Variants in CDH2 observed in about 807,000 individuals in gnomAD.
The protein encoded by CDH2 is cadherin-2.
In CDH2, 17 loss-of-function variants were observed where a neutral mutation model predicts 92.0. The ratio of observed to expected loss-of-function variants is 0.18; its 90% CI spans 0.13 to 0.28. The LOEUF is 0.28. Ranked by LOEUF, CDH2 falls within the 10% of genes least tolerant of loss-of-function variation. CDH2 has a pLI of 1.00. For missense variants in CDH2, 862 were observed against 1,133.1 expected (o/e 0.76, Z 3.44); for synonymous variants, 419 against 415.9 (o/e 1.01, Z -0.09).
chr18:27,999,656 A>G (rs887600360), intron 7 of CDH2, among the ~76,000 whole-genome samples: 3 of 150,406 alleles, frequency 2.0e-5, no homozygotes, highest in African/African-American at 7.3e-5. Context: ...TTTTAAATTT[A>G]TATATATATA....
intron 5 of CDH2, among the ~76,000 whole-genome samples, chr18:28,009,416 A>C (rs2013031832): frequency 6.6e-6 from 1 of 152,164 alleles, no homozygotes. Flanking sequence ...ATTCATATAA[A>C]TTTGTTCTTA....
chr18:28,121,163 T>C (rs187636245), intron 2 of CDH2, among the ~76,000 whole-genome samples: 71 of 152,280 alleles, frequency 4.7e-4, no homozygotes, highest in Non-Finnish European at 8.5e-4. Context: ...GCCTTCTGGT[T>C]ACCCAGGGGT....
At position 28,108,267 on chromosome 18, in the gene CDH2, A is replaced by C. The variant is rs535650664; in HGVS notation, c.172+39406T>G. 6.6e-5 allele frequency among the ~76,000 whole-genome samples: 10 copies of C among 152,210 alleles called. No individual in the cohort carries two copies. In the South Asian group the frequency reaches 1.5e-3, roughly 22 times the overall value. On this transcript the variant is annotated intron_variant, in intron 2 of 15. Coordinates refer to ENST00000269141, the MANE Select transcript of CDH2 (RefSeq NM_001792.5). ...CCAAAGATCTGAAAAAGTGTGGAAAACTCTCAGTTGCTTATTGGATCTATA... is the reference window on the plus strand; with the variant it reads ...CCAAAGATCTGAAAAAGTGTGGAAACCTCTCAGTTGCTTATTGGATCTATA...
At chr18:28,057,388 AG>A (rs1457955359) in intron 2 of CDH2, among the ~76,000 whole-genome samples, 27 of 152,356 alleles carry the variant, frequency 1.8e-4, no homozygotes, top group African/African-American at 6.3e-4. Flanking sequence ...ATTTGAGGCC[AG>A]GCAAGGTGGC....
intron 2 of CDH2, among the ~76,000 whole-genome samples, chr18:28,043,507 TATATATATAA>T (rs2014003961): frequency 7.6e-6 from 1 of 130,822 alleles, no homozygotes; most frequent in Non-Finnish European, 1.6e-5. Context: ...TATATATATA[TATATATATAA>T]ACAGGTTTGA....
chr18:28,127,451 G>C (rs1192399168), intron 2 of CDH2, among the ~76,000 whole-genome samples: 1 of 152,162 alleles, frequency 6.6e-6, no homozygotes, highest in Admixed American at 6.5e-5. Flanking sequence ...TAAGCGCAAG[G>C]CCCTGCGGCA....
intron 6 of CDH2, among the ~76,000 whole-genome samples, chr18:27,933,737 A>G (rs1289316360): frequency 1.3e-5 from 2 of 152,220 alleles, no homozygotes; most frequent in Non-Finnish European, 2.9e-5. Context: ...TGAATCAATG[A>G]TTGTTTCAGG....
chr18:27,933,738 T>A (rs563746055), intron 6 of CDH2, among the ~76,000 whole-genome samples: 1 of 152,314 alleles, frequency 6.6e-6, no homozygotes, highest in South Asian at 2.1e-4. Context: ...GAATCAATGA[T>A]TGTTTCAGGA....
At chr18:28,162,168 A>G (rs1031923087) in intron 1 of CDH2, among the ~76,000 whole-genome samples, 3 of 152,214 alleles carry the variant, frequency 2.0e-5, no homozygotes, top group East Asian at 1.9e-4. Flanking sequence ...AATTATCTAC[A>G]AAGTCTCAAT....
At chr18:28,122,633 C>T (rs1235266257) in intron 2 of CDH2, among the ~76,000 whole-genome samples, 5 of 151,964 alleles carry the variant, frequency 3.3e-5, no homozygotes, top group East Asian at 3.9e-4. Flanking sequence ...ATATGGTTAA[C>T]GGAAAAACAA....
chr18:27,948,320 G>C (rs1244966866), downstream of CDH2, among the ~76,000 whole-genome samples: 1 of 151,870 alleles, frequency 6.6e-6, no homozygotes, highest in Admixed American at 6.6e-5. Flanking sequence ...TTAACAAGTA[G>C]TGTTTGGAAA....
chr18:27,939,663 C>A (rs554373170), intron 6 of CDH2, among the ~76,000 whole-genome samples: 2 of 152,150 alleles, frequency 1.3e-5, no homozygotes, highest in Non-Finnish European at 2.9e-5. Context: ...TCTAGTCATT[C>A]CCTAGACAAA....
chr18:28,028,780 G>C (rs2013622052), intron 2 of CDH2, among the ~76,000 whole-genome samples: 1 of 151,972 alleles, frequency 6.6e-6, no homozygotes, highest in African/African-American at 2.4e-5. Context: ...TATTTCTAAA[G>C]GCTACTTACA....
chr18:28,089,870 C>T (rs1487166379), intron 2 of CDH2, among the ~76,000 whole-genome samples: 2 of 152,086 alleles, frequency 1.3e-5, no homozygotes, highest in Non-Finnish European at 2.9e-5. Context: ...GGACAGAGCC[C>T]GATTCCTGTC....
intron 2 of CDH2, among the ~76,000 whole-genome samples, chr18:28,139,021 C>A (rs2015909859): frequency 6.6e-6 from 1 of 151,996 alleles, no homozygotes; most frequent in Non-Finnish European, 1.5e-5. Flanking sequence ...CATCATTGAA[C>A]ACCACAAGGC....
At chr18:27,949,843 G>A (rs2143846210), downstream of CDH2, among the ~76,000 whole-genome samples, 1 of 151,728 alleles carries the variant, frequency 6.6e-6, no homozygotes, top group South Asian at 2.1e-4. Flanking sequence ...TATTTATTGT[G>A]TATATATATA....
At chr18:28,093,629 TTAGC>T (rs2015075383) in intron 2 of CDH2, among the ~76,000 whole-genome samples, 1 of 151,866 alleles carries the variant, frequency 6.6e-6, no homozygotes, top group Non-Finnish European at 1.5e-5. Context: ...AACAAAAAAT[TTAGC>T]TATAAGGTTC....
chr18:28,165,355 C>A (rs1001953834), intron 1 of CDH2, among the ~76,000 whole-genome samples: 1 of 152,044 alleles, frequency 6.6e-6, no homozygotes, highest in Non-Finnish European at 1.5e-5. Flanking sequence ...GCTACCAAAC[C>A]CAGCTAGTTA....
At chr18:28,073,197 T>G (rs1399037969) in intron 2 of CDH2, among the ~76,000 whole-genome samples, 1 of 152,174 alleles carries the variant, frequency 6.6e-6, no homozygotes, top group Non-Finnish European at 1.5e-5. Context: ...GCCCTATTAG[T>G]AAATGAAATA....
Sources: gnomAD v4.1 joint callset for allele counts (sites outside exome capture counted in the v4.1 genomes callset) on GRCh38, gnomAD v4.1.1 for gene constraint, MANE v1.5 for transcripts, NCBI Gene and HGNC (gene_info 2026-07-23, HGNC 2026-07-21) for gene names.